EYS: variants seen among roughly 807,000 people sequenced by gnomAD.
EYS encodes EGF-like photoreceptor maintenance factor.
Under a neutral mutation model 282.1 loss-of-function variants are expected in EYS, and 250 were observed. The ratio of observed to expected loss-of-function variants is 0.89; its 90% CI spans 0.80 to 0.98. The LOEUF is 0.98. Ranked by LOEUF, EYS falls within the 50% of genes least tolerant of loss-of-function variation. EYS has a pLI of 0.00. For missense variants in EYS, 4,016 were observed against 3,709.0 expected, an observed-to-expected ratio of 1.08 and a Z score of -2.15; for synonymous variants, 1,355 against 1,282.9, an observed-to-expected ratio of 1.06 and a Z score of -1.20.
At chr6:63,906,160 CA>C (rs1218688680) in intron 35 of EYS, among the ~76,000 whole-genome samples, 1 of 152,164 alleles carries the variant, frequency 6.6e-6, no homozygotes, top group Non-Finnish European at 1.5e-5. Flanking sequence ...CTCAATTCTT[CA>C]AAATTATACC....
At chr6:64,636,375 C>G (rs559552415) in intron 22 of EYS, among the ~76,000 whole-genome samples, 1 of 152,280 alleles carries the variant, frequency 6.6e-6, no homozygotes, top group African/African-American at 2.4e-5. Context: ...GCTGGGAAAA[C>G]TGGCTAGCCA....
chr6:64,141,882 C>T (rs149744917), intron 31 of EYS, among the ~76,000 whole-genome samples: 78 of 152,264 alleles, frequency 5.1e-4, no homozygotes, highest in African/African-American at 1.8e-3. Flanking sequence ...TACACTCTCT[C>T]CCCCACCCAA....
chr6:64,294,925 T>G (rs909600139), intron 30 of EYS, among the ~76,000 whole-genome samples: 14 of 152,026 alleles, frequency 9.2e-5, no homozygotes, highest in Non-Finnish European at 2.1e-4. Flanking sequence ...TATGCTGGAG[T>G]AAGATGATTG....
intron 2 of EYS, among the ~76,000 whole-genome samples, chr6:65,548,708 A>AT: frequency 6.6e-6 from 1 of 152,274 alleles, no homozygotes; most frequent in East Asian, 1.9e-4. Context: ...ACTCACTTCA[A>AT]TATTCTGCAA....
At chr6:65,091,220 G>C (rs1369563518) in intron 12 of EYS, among the ~76,000 whole-genome samples, 1 of 138,532 alleles carries the variant, frequency 7.2e-6, no homozygotes, top group Non-Finnish European at 1.5e-5. Context: ...GATCACCTGA[G>C]ATCAGGAGTT....
intron 11 of EYS, chr6:65,332,234 TC>T: frequency 1.7e-6 from 1 of 594,382 alleles, no homozygotes; most frequent in Non-Finnish European, 3.1e-6. Context: ...ACAATTTTTT[TC>T]TCCATCTACA....
At chr6:65,642,460 G>C (rs1767307647) in intron 1 of EYS, among the ~76,000 whole-genome samples, 1 of 152,036 alleles carries the variant, frequency 6.6e-6, no homozygotes, top group Non-Finnish European at 1.5e-5. Flanking sequence ...TCAACAATTT[G>C]AATACGTTAG....
chr6:63,992,700 A>G (rs1767656689), intron 34 of EYS, among the ~76,000 whole-genome samples: 2 of 151,856 alleles, frequency 1.3e-5, no homozygotes, highest in Admixed American at 1.3e-4. Flanking sequence ...AAAGGAAGAA[A>G]GCAAGAAAGG....
At chr6:65,491,445 G>GT (rs1487182977) in intron 4 of EYS, 2 of 311,820 alleles carry the variant, frequency 6.4e-6, no homozygotes, top group Admixed American at 4.0e-5. Flanking sequence ...TTGGCAATAT[G>GT]TTTTTTTCCC....
chr6:63,876,356 T>G (rs1444340438), intron 35 of EYS, among the ~76,000 whole-genome samples: 2 of 152,238 alleles, frequency 1.3e-5, no homozygotes, highest in Non-Finnish European at 2.9e-5. Context: ...ATAATTTCTG[T>G]TCTTTTACAT....
At chr6:65,581,694 A>G (rs1764878576) in intron 2 of EYS, among the ~76,000 whole-genome samples, 1 of 152,240 alleles carries the variant, frequency 6.6e-6, no homozygotes, top group South Asian at 2.1e-4. Flanking sequence ...ATATTCACCT[A>G]ACCAAAAATG....
At chr6:64,088,800 A>G (rs140849464) in intron 31 of EYS, among the ~76,000 whole-genome samples, 1 of 152,006 alleles carries the variant, frequency 6.6e-6, no homozygotes, top group East Asian at 1.9e-4. Flanking sequence ...GCAGAATAAA[A>G]GTTAGTGATT....
chr6:65,484,008 C>A (rs151111378), intron 5 of EYS, among the ~76,000 whole-genome samples: 3 of 151,904 alleles, frequency 2.0e-5, no homozygotes, highest in Non-Finnish European at 4.4e-5. Context: ...CGTGGGAATT[C>A]AAGATGAGAT....
At chr6:64,229,510 A>G (rs1677797244) in intron 31 of EYS, among the ~76,000 whole-genome samples, 4 of 152,186 alleles carry the variant, frequency 2.6e-5, no homozygotes, top group Admixed American at 2.0e-4. Context: ...TCTCAAAATC[A>G]AGCCATAGTG....
intron 30 of EYS, among the ~76,000 whole-genome samples, chr6:64,250,326 G>T (rs1028764527): frequency 2.6e-5 from 4 of 152,070 alleles, no homozygotes; most frequent in African/African-American, 9.7e-5. Context: ...GCTCAGTTGG[G>T]TCATAAAATC....
chr6:64,104,020 T>A (rs964414040), intron 31 of EYS, among the ~76,000 whole-genome samples: 1 of 152,018 alleles, frequency 6.6e-6, no homozygotes, highest in Non-Finnish European at 1.5e-5. Context: ...AAACCGAGGA[T>A]GAAGAGTTGA....
rs1228925050 is a variant in EYS, at chr6:63,758,448, CT to C, written c.8071+4012del. Among the ~76,000 whole-genome samples, 6 of 151,986 alleles carry C rather than the reference CT, an allele frequency of 3.9e-5. No homozygotes were observed. In the South Asian group the frequency reaches 6.2e-4, roughly 16 times the overall value. On this transcript the variant is annotated intron_variant, in intron 41 of 42. Transcript: ENST00000503581. ...CATTTTACCCAAATGTAATCTAACACTTTTTTTCTTTCTCTGTAGGAGGCGA... is the reference window on the plus strand; with the variant it reads ...CATTTTACCCAAATGTAATCTAACACTTTTTTCTTTCTCTGTAGGAGGCGA...
chr6:64,608,832 T>C (rs1767017373), intron 24 of EYS, among the ~76,000 whole-genome samples: 1 of 152,134 alleles, frequency 6.6e-6, no homozygotes, highest in South Asian at 2.1e-4. Context: ...TTACTTCAAC[T>C]ATATGGCATC....
chr6:65,589,946 T>C lies in EYS; in HGVS notation c.-333+49832A>G, dbSNP rs146096146. Among the ~76,000 whole-genome samples, 138 of 152,118 alleles carry C rather than the reference T, an allele frequency of 9.1e-4. 1 individual carries two copies. The highest frequency in any genetic ancestry group is 3.0e-3 in the African/African-American group (126 of 41,532). Reference sequence around the variant, plus strand: ...TATGTCTTTATAATGTCTACAATTGTTAAATATATCTTTATAATTTAAAAA... The same window carrying C: ...TATGTCTTTATAATGTCTACAATTGCTAAATATATCTTTATAATTTAAAAA... On this transcript the variant is annotated intron_variant, in intron 2 of 42. Coordinates refer to ENST00000503581, the MANE Select transcript of EYS (RefSeq NM_001142800.2).
Sources: allele counts gnomAD v4.1 joint callset (sites outside exome capture counted in the v4.1 genomes callset), GRCh38; gene constraint gnomAD v4.1.1; transcripts MANE v1.5; gene names NCBI Gene and HGNC (gene_info 2026-07-23, HGNC 2026-07-21).